Variants in AKAP6 observed in about 807,000 individuals in gnomAD.
The protein encoded by AKAP6 is A-kinase anchor protein 6.
A neutral mutation model predicts 188.5 loss-of-function variants in AKAP6; 58 were observed. The observed-to-expected ratio is 0.31, with a 90% CI of 0.25 to 0.38. The LOEUF is 0.38. Among genes scored for constraint, AKAP6 ranks in the 10% least tolerant of loss-of-function variants. The pLI is 1.00. For missense variants in AKAP6, 2,710 were observed against 2,740.0 expected, an observed-to-expected ratio of 0.99 and a Z score of 0.24; for synonymous variants, 989 against 998.6, an observed-to-expected ratio of 0.99 and a Z score of 0.18.
chr14:32,713,912 A>C (rs749024143), intron 9 of AKAP6, among the ~76,000 whole-genome samples: 4 of 152,032 alleles, frequency 2.6e-5, no homozygotes, highest in Non-Finnish European at 5.9e-5. Context: ...AACTTGGCTA[A>C]CTGGCACAAG....
At chr14:32,569,382 T>G (rs1884359157) in intron 4 of AKAP6, among the ~76,000 whole-genome samples, 1 of 152,230 alleles carries the variant, frequency 6.6e-6, no homozygotes, top group Non-Finnish European at 1.5e-5. Flanking sequence ...CTCTTCAATC[T>G]TTGTTCTAAA....
chr14:32,690,208 C>T (rs1400854546), intron 8 of AKAP6, among the ~76,000 whole-genome samples: 1 of 150,550 alleles, frequency 6.6e-6, no homozygotes, highest in Non-Finnish European at 1.5e-5. Flanking sequence ...TTGATGATTT[C>T]TTAATTTGGT....
chr14:32,424,527 G>A (rs1277817688), intron 1 of AKAP6, among the ~76,000 whole-genome samples: 1 of 151,860 alleles, frequency 6.6e-6, no homozygotes, highest in Non-Finnish European at 1.5e-5. Context: ...TAAGTTCAGG[G>A]GTACAAGTGC....
rs1240063339 is a variant in AKAP6, at chr14:32,540,168, C to CTCTCTA, written c.576+4364_576+4365insCTCTAT. Among the ~76,000 whole-genome samples, 288 of 60,870 alleles carry CTCTCTA rather than the reference C, an allele frequency of 4.7e-3. 1 individual carries two copies. Among genetic ancestry groups the CTCTCTA allele is most frequent in the African/African-American group, 0.011 (116 of 10,226 alleles). 39.9% of individuals were successfully genotyped at this position (60,870 alleles called of 152,430 possible). On this transcript the variant is annotated intron_variant, in intron 3 of 13. Coordinates refer to ENST00000280979, the MANE Select transcript of AKAP6 (RefSeq NM_004274.5). ...TCTCTCTCTCTCTCTCTCTCTCTCTCTATATATATATATATATATATATAT... is the reference window on the plus strand; with the variant it reads ...TCTCTCTCTCTCTCTCTCTCTCTCTCTCTCTATATATATATATATATATATATATAT...
chr14:32,734,186 A>G (rs1366262388), intron 10 of AKAP6: 2 of 152,134 alleles, frequency 1.3e-5, no homozygotes, highest in Non-Finnish European at 2.9e-5. Flanking sequence ...TAACACCACC[A>G]GGCATACTGT....
At chr14:32,640,223 C>T (rs987756684) in intron 7 of AKAP6, among the ~76,000 whole-genome samples, 5 of 151,994 alleles carry the variant, frequency 3.3e-5, no homozygotes, top group South Asian at 2.1e-4. Flanking sequence ...TCAGGATTAG[C>T]TTTATCCTAA....
intron 1 of AKAP6, among the ~76,000 whole-genome samples, chr14:32,423,009 C>T (rs1329789614): frequency 6.6e-6 from 1 of 152,094 alleles, no homozygotes; most frequent in African/African-American, 2.4e-5. Flanking sequence ...TAATTTCTGG[C>T]TTCCAAAATA....
intron 1 of AKAP6, among the ~76,000 whole-genome samples, chr14:32,385,576 C>T (rs557511905): frequency 1.2e-4 from 18 of 151,608 alleles, no homozygotes; most frequent in East Asian, 5.8e-4. Context: ...CCCTTTCCCC[C>T]GAGTCCCCAA....
Position 32,735,778 on chromosome 14 carries a change from C to G in AKAP6, c.3268C>G (p.Leu1090Val). The stretch of plus-strand genomic sequence containing the variant: ...GCAGCTGGAGGTCAGGATCAAAGAA[C>G]TGAAAGGATGGCTAAGAGATACAGA... ...VRQLEVRIKE[L>V]KGWLRDTELF... The change falls in exon 11 of 14, where the codon CTG becomes GTG. Residue 1090 changes from leucine (L) to valine (V), a missense_variant. This residue lies in a region of AKAP6 where 2,473 missense variants were observed against 2,426.1 expected (regional missense o/e 1.02). Transcript: ENST00000280979. 1 of 1,613,458 alleles carries G rather than the reference C, an allele frequency of 6.2e-7. No individual in the cohort carries two copies. Among genetic ancestry groups the G allele is most frequent in the Non-Finnish European group, 8.5e-7 (1 of 1,179,724 alleles).
At chr14:32,737,084 C>T (rs2031462333) in intron 11 of AKAP6, among the ~76,000 whole-genome samples, 1 of 152,136 alleles carries the variant, frequency 6.6e-6, no homozygotes. Context: ...ATCCTAACCT[C>T]TACTGCAGGG....
intron 7 of AKAP6, among the ~76,000 whole-genome samples, chr14:32,644,801 C>G (rs2139506569): frequency 6.6e-6 from 1 of 152,192 alleles, no homozygotes; most frequent in South Asian, 2.1e-4. Context: ...CAATTAATGT[C>G]CCTGATTGCA....
intron 1 of AKAP6, among the ~76,000 whole-genome samples, chr14:32,411,794 C>CTTTCT (rs1889493379): frequency 6.9e-6 from 1 of 144,458 alleles, no homozygotes; most frequent in African/African-American, 2.5e-5. Flanking sequence ...CTCTCTTACT[C>CTTTCT]TTTTTTTTTT....
At chr14:32,395,195 G>C (rs1221118234) in intron 1 of AKAP6, among the ~76,000 whole-genome samples, 2 of 152,078 alleles carry the variant, frequency 1.3e-5, no homozygotes, top group African/African-American at 4.8e-5. Context: ...TTTCACCTCT[G>C]AAAGCACATG....
rs1244297436 is a variant in AKAP6, at chr14:32,545,334, G to A, written c.681G>A (p.Leu227=). 6.2e-6 allele frequency: 10 copies of A among 1,614,146 alleles called. No individual in the cohort carries two copies. The highest frequency in any genetic ancestry group is 1.3e-5 in the African/African-American group (1 of 75,032). The part of the protein sequence containing the change: ...SLDCGITAFE[L]SDYSPSEDLL... ...ATTGTGGCATTACTGCATTCGAACT[G>A]TCTGACTACAGTCCAAGTGAGGATT... is the stretch of plus-strand genomic sequence containing the variant. The change falls in exon 4 of 14, where the codon CTG becomes CTA. Residue 227 remains leucine (L), a synonymous_variant. Transcript: ENST00000280979.
rs934503052 is a variant in AKAP6 at position 32,571,925 on chromosome 14, C to T, written c.2347-5195C>T. ...CCTTAGAAATGAACTTTACAGTAAT[C>T]TTTGCTTTCTAAAAATAAATGTGTT... is the stretch of plus-strand genomic sequence containing the variant. On this transcript the variant is annotated intron_variant, in intron 4 of 13. Coordinates refer to ENST00000280979, the MANE Select transcript of AKAP6 (RefSeq NM_004274.5). Among the ~76,000 whole-genome samples the T allele has an allele frequency of 2.6e-5, 4 of 152,180 alleles. No homozygotes were observed. The East Asian group carries it at 7.7e-4, about 29-fold the overall frequency.
At position 32,709,723 on chromosome 14, in the gene AKAP6, C is replaced by G. The variant is rs1033647913; in HGVS notation, c.3000+13613C>G. Among the ~76,000 whole-genome samples, 32 of 152,014 alleles carry G rather than the reference C, an allele frequency of 2.1e-4. 1 individual carries two copies. The highest frequency in any genetic ancestry group is 6.5e-4 in the African/African-American group (27 of 41,402). On this transcript the variant is annotated intron_variant, in intron 9 of 13. Transcript: ENST00000280979. ...GTTTAACTCTCCCTTTCCTGAAAGT[C>G]TTCTTATTTCTAGTGTAAATCCTCT...
intron 1 of AKAP6, among the ~76,000 whole-genome samples, chr14:32,426,445 C>T (rs897486967): frequency 6.6e-6 from 1 of 152,152 alleles, no homozygotes; most frequent in African/African-American, 2.4e-5. Context: ...TAAATTCTAA[C>T]CACTAAATGT....
At position 32,635,574 on chromosome 14, in the gene AKAP6, G is replaced by A. The variant is rs371638517; in HGVS notation, c.2730+34782G>A. Among the ~76,000 whole-genome samples, 22 of 152,194 alleles carry A rather than the reference G, an allele frequency of 1.4e-4. No individual in the cohort carries two copies. The South Asian group carries it at 4.4e-3, about 30-fold the overall frequency. On this transcript the variant is annotated intron_variant, in intron 7 of 13. Coordinates refer to ENST00000280979, the MANE Select transcript of AKAP6 (RefSeq NM_004274.5). ...AGCTGTCCTAGAGCTGGGAGCTACTGTTGTAGCTAGATTAGATTAATGAAT... is the reference window on the plus strand; with the variant it reads ...AGCTGTCCTAGAGCTGGGAGCTACTATTGTAGCTAGATTAGATTAATGAAT...
chr14:32,342,231 C>G (rs1886912894), intron 1 of AKAP6, among the ~76,000 whole-genome samples: 1 of 152,144 alleles, frequency 6.6e-6, no homozygotes, highest in African/African-American at 2.4e-5. Context: ...TTCTGTATGT[C>G]TTTTCCTGAA....
Sources: allele counts gnomAD v4.1 joint callset (sites outside exome capture counted in the v4.1 genomes callset), GRCh38; gene constraint gnomAD v4.1.1; regional missense constraint gnomAD v4.1.1; transcripts MANE v1.5; gene names NCBI Gene and HGNC (gene_info 2026-07-23, HGNC 2026-07-21).